The following FOXJ2 variants were observed in gnomAD, a reference collection of about 807,000 sequenced individuals.
FOXJ2 encodes the protein forkhead box protein J2.
In FOXJ2, 18 loss-of-function variants were observed where a neutral mutation model predicts 68.4. The observed-to-expected ratio is 0.26, with a 90% CI of 0.18 to 0.39. The LOEUF is 0.39. Ranked by LOEUF, FOXJ2 falls within the 10% of genes least tolerant of loss-of-function variation. The pLI is 1.00. For missense variants in FOXJ2, 670 were observed against 726.5 expected, an observed-to-expected ratio of 0.92 and a Z score of 0.89; for synonymous variants, 274 against 263.2, an observed-to-expected ratio of 1.04 and a Z score of -0.40.
chr12:8,044,220 G>A (rs1033120603), intron 5 of FOXJ2, 129 bp downstream of exon 5: 61 of 1,115,356 alleles, frequency 5.5e-5, no homozygotes, highest in Non-Finnish European at 2.7e-5. Context: ...GGAAGGGGAA[G>A]GCAAAAGAGG....
In FOXJ2 at chr12:8,047,984, C is replaced by CT; in HGVS notation, c.920_921insT (p.Pro308AlafsTer106). 6.2e-7 allele frequency: 1 copy of CT among 1,612,748 alleles called. No individual in the cohort carries two copies. The highest frequency in any genetic ancestry group is 1.3e-5 in the African/African-American group (1 of 74,648). Reference sequence around the variant, plus strand: ...CAACAGCAGCAGCAGCAGCAGCAGCCGCCACAGCCACCTCCCCAGCAGTCC... The same window carrying CT: ...CAACAGCAGCAGCAGCAGCAGCAGCCTGCCACAGCCACCTCCCCAGCAGTCC... On this transcript the variant is annotated frameshift_variant, in exon 7 of 11. Coordinates refer to ENST00000162391, the MANE Select transcript of FOXJ2 (RefSeq NM_018416.3). LOFTEE classifies it high-confidence loss of function.
Position 8,039,874 on chromosome 12 carries a change from G to T in FOXJ2, c.42G>T (p.Trp14Cys). 1 of 1,614,086 alleles carries T rather than the reference G, an allele frequency of 6.2e-7. No homozygotes were observed. The highest frequency in any genetic ancestry group is 2.2e-5 in the East Asian group (1 of 44,882). Reference sequence around the variant, plus strand: ...AGAGTAGCCTCACCTCCATAGACTGGCTCCCCCAGCTGACCCTCCGAGCTA... The same window carrying T: ...AGAGTAGCCTCACCTCCATAGACTGTCTCCCCCAGCTGACCCTCCGAGCTA... ...DLESSLTSID[W>C]LPQLTLRATI... The change falls in exon 2 of 11, where the codon TGG (tryptophan) becomes TGT (cysteine). Residue 14 changes from tryptophan (W) to cysteine (C), a missense_variant. By Grantham distance (215) the Trp-to-Cys change is radical. Around this residue, in one of 2 missense-constraint regions of FOXJ2, gnomAD observed 115 missense variants for 164.3 expected, o/e 0.70. Transcript: ENST00000162391.
rs760865044 is a variant in FOXJ2 at position 8,053,428 on chromosome 12, T to A, written c.*578T>A. ...CTCTGAGGTCTTCCTTGTCCCTTTA[T>A]ACCTTCAATCCTTACTTCTGCCAGT... On this transcript the variant is annotated 3_prime_UTR_variant, in exon 11 of 11. Transcript: ENST00000162391. The surrounding 1 kb of genome is among the most constrained non-coding windows in gnomAD (Gnocchi z 4.1). 1.3e-5 allele frequency: 2 copies of A among 152,798 alleles called. No individual in the cohort carries two copies. The highest frequency in any genetic ancestry group is 6.5e-5 in the Admixed American group (1 of 15,304). The allele number at this position is 152,798 out of a possible 1,614,324, so 9.5% of individuals were successfully genotyped here. A position where few individuals can be genotyped will look rare whatever the true frequency, so the allele number is the denominator to read the frequency against.
intron 10 of FOXJ2, among the ~76,000 whole-genome samples, chr12:8,052,343 C>T (rs755326007): frequency 7.2e-5 from 11 of 152,026 alleles, no homozygotes; most frequent in Non-Finnish European, 1.5e-4. Context: ...TTCAGCCTCC[C>T]GAGTAGCTGG....
chr12:8,052,331 G>A (rs1008436809), intron 10 of FOXJ2, among the ~76,000 whole-genome samples: 1 of 151,404 alleles, frequency 6.6e-6, no homozygotes, highest in Non-Finnish European at 1.5e-5. Flanking sequence ...CCATTCTCCT[G>A]CTTCAGCCTC....
chr12:8,050,675 T>C, intron 10 of FOXJ2, 55 bp downstream of exon 10: 1 of 1,598,308 alleles, frequency 6.3e-7, no homozygotes, highest in Non-Finnish European at 8.6e-7. Context: ...GTTGCTTTGC[T>C]TTCCTTTGAC....
chr12:8,039,449 A>G (rs759047598), intron 1 of FOXJ2, among the ~76,000 whole-genome samples: 40 of 152,236 alleles, frequency 2.6e-4, no homozygotes, highest in African/African-American at 9.4e-4. Flanking sequence ...ATGGACTTTT[A>G]ATTTTACCTG....
intron 1 of FOXJ2, 88 bp from the exon 2 acceptor site, chr12:8,039,731 G>A: frequency 1.7e-6 from 2 of 1,148,064 alleles, no homozygotes; most frequent in East Asian, 2.4e-5. Flanking sequence ...GGGAATGAGA[G>A]TAGGAAGAAA....
chr12:8,042,593 G>A (rs1946979647), intron 2 of FOXJ2, 65 bp from the exon 3 acceptor site: 1 of 1,389,502 alleles, frequency 7.2e-7, no homozygotes, highest in Non-Finnish European at 1.0e-6. Context: ...GTCCCTCTGT[G>A]TTCTATTGGA....
In FOXJ2 at chr12:8,048,204, C is replaced by G; in HGVS notation, c.1140C>G (p.His380Gln). The change falls in exon 7 of 11, where the codon CAC (histidine) becomes CAG (glutamine). Residue 380 changes from histidine (H) to glutamine (Q), a missense_variant. By Grantham distance (24) the His-to-Gln change is conservative. Around this residue, in one of 2 missense-constraint regions of FOXJ2, gnomAD observed 555 missense variants for 562.2 expected, o/e 0.99. Coordinates refer to ENST00000162391, the MANE Select transcript of FOXJ2 (RefSeq NM_018416.3). ...ATGGAGGCTACCACCCTCATCAGCA[C>G]CATCCCCACTCCCACCCTGCCCAGC... ...LQHGGYHPHQ[H>Q]HPHSHPAQQP... 1 of 1,612,470 alleles carries G rather than the reference C, an allele frequency of 6.2e-7. No homozygotes were observed. Among genetic ancestry groups the G allele is most frequent in the Non-Finnish European group, 8.5e-7 (1 of 1,179,056 alleles).
intron 3 of FOXJ2, among the ~76,000 whole-genome samples, chr12:8,043,208 A>T (rs147349603): frequency 0.04 from 4,592 of 116,204 alleles, 105 homozygotes; most frequent in Non-Finnish European, 0.053. Context: ...CAAGAGTGAA[A>T]CTCCATCTCA....
Position 8,033,217 on chromosome 12 carries a change from G to A in FOXJ2, c.-631G>A. The A allele has an allele frequency of 4.4e-6, 1 of 227,816 alleles. No individual in the cohort carries two copies. Among genetic ancestry groups the A allele is most frequent in the South Asian group, 1.8e-4 (1 of 5,512 alleles). 14.1% of individuals were successfully genotyped at this position (227,816 alleles called of 1,614,324 possible). On this transcript the variant is annotated 5_prime_UTR_variant, in exon 1 of 11. Transcript: ENST00000162391. ...AGTGAGACCACCCTAGCGCGCCCCCGCCCCTCCAAACACACACTCTCAACA... is the reference window on the plus strand; with the variant it reads ...AGTGAGACCACCCTAGCGCGCCCCCACCCCTCCAAACACACACTCTCAACA...
intron 10 of FOXJ2, 72 bp from the exon 11 acceptor site, chr12:8,052,690 C>G: frequency 1.5e-6 from 2 of 1,293,118 alleles, no homozygotes; most frequent in Non-Finnish European, 2.2e-6. Flanking sequence ...TGGGGCTGAG[C>G]ACTGTCCTTG....
chr12:8,050,302 T>C (rs1017832833), intron 9 of FOXJ2: 5 of 1,290,166 alleles, frequency 3.9e-6, no homozygotes, highest in Non-Finnish European at 4.9e-6. Context: ...TTCTTCCTTA[T>C]ATCTTTCCTA....
rs1448148499 is a variant in FOXJ2 at position 8,042,746 on chromosome 12, G to A, written c.408+14G>A. On this transcript the variant is annotated intron_variant, in intron 3 of 10. Transcript: ENST00000162391. ...GACCCTGGGAAGGTAAGATACTACT[G>A]TAAGCATTGAAAGGAGGAGTAGGAA... 4 of 1,606,994 alleles carry A rather than the reference G, an allele frequency of 2.5e-6. No individual in the cohort carries two copies. The highest frequency in any genetic ancestry group is 2.2e-5 in the East Asian group (1 of 44,864).
At chr12:8,036,404 C>G (rs1946895823) in intron 1 of FOXJ2, among the ~76,000 whole-genome samples, 1 of 152,194 alleles carries the variant, frequency 6.6e-6, no homozygotes, top group Admixed American at 6.5e-5. Flanking sequence ...CTGCCTTTCT[C>G]CCAGTTCTGT....
At position 8,049,487 on chromosome 12, in the gene FOXJ2, G is replaced by A. The variant is rs1412564224; in HGVS notation, c.1453G>A (p.Gly485Ser). Residue 485 changes from glycine to serine, a missense_variant, in exon 9 of 11, where the codon GGT (glycine) becomes AGT (serine). Gly to Ser is a moderately conservative substitution (Grantham distance 56). Transcript: ENST00000162391. ...TQTGHVPPQG[G>S]THRPPAPARI... Reference sequence around the variant, plus strand: ...GACTGGTCACGTGCCCCCTCAAGGGGGTACCCACCGCCCACCAGCCCCTGC... The same window carrying A: ...GACTGGTCACGTGCCCCCTCAAGGGAGTACCCACCGCCCACCAGCCCCTGC... 1.9e-6 allele frequency: 3 copies of A among 1,614,034 alleles called. No individual in the cohort carries two copies. Among genetic ancestry groups the A allele is most frequent in the Admixed American group, 1.7e-5 (1 of 59,988 alleles).
intron 5 of FOXJ2, among the ~76,000 whole-genome samples, chr12:8,044,388 A>G (rs1445739663): frequency 6.6e-6 from 1 of 152,202 alleles, no homozygotes; most frequent in East Asian, 1.9e-4. Context: ...CCGCCTATCC[A>G]ACATGCCAAA....
intron 10 of FOXJ2, among the ~76,000 whole-genome samples, chr12:8,052,143 T>C (rs1591582668): frequency 6.6e-6 from 1 of 152,074 alleles, no homozygotes; most frequent in South Asian, 2.1e-4. Context: ...GCTGGGATTA[T>C]AGGCATGAGC....
Sources: gnomAD v4.1 joint callset for allele counts (sites outside exome capture counted in the v4.1 genomes callset) on GRCh38, gnomAD v4.1.1 for gene constraint, gnomAD v4.1.1 regional missense constraint, Gnocchi (gnomAD v3.1) non-coding constraint, MANE v1.5 for transcripts, NCBI Gene and HGNC (gene_info 2026-07-23, HGNC 2026-07-21) for gene names.